Variants in GRAP2 observed in about 807,000 individuals in gnomAD.
GRAP2 encodes GRB2 related adaptor protein 2.
A neutral mutation model predicts 43.5 loss-of-function variants in GRAP2; 31 were observed. That is an observed-to-expected ratio of 0.71 (90% CI 0.54 to 0.96). The LOEUF is 0.96. Among genes scored for constraint, GRAP2 ranks in the 40% least tolerant of loss-of-function variants. The probability of loss-of-function intolerance (pLI) is 0.00; values close to 1 mark genes in which losing one functional copy is unlikely to be tolerated. For missense variants in GRAP2, 371 were observed against 424.4 expected (o/e 0.87, Z 1.11); for synonymous variants, 156 against 164.8 (o/e 0.95, Z 0.41).
At chr22:39,959,408 G>A (rs968205618) in intron 3 of GRAP2, among the ~76,000 whole-genome samples, 31 of 152,188 alleles carry the variant, frequency 2.0e-4, no homozygotes, top group African/African-American at 7.2e-4. Context: ...TATAGACGCC[G>A]CTCTCTGGCG....
At chr22:39,945,338 C>G (rs916682449) in intron 1 of GRAP2, among the ~76,000 whole-genome samples, 8 of 152,166 alleles carry the variant, frequency 5.3e-5, no homozygotes, top group Non-Finnish European at 1.0e-4. Flanking sequence ...AAATTACCTT[C>G]GAAAGATTGA....
In GRAP2 at chr22:39,901,126, GA is replaced by G; in HGVS notation, c.-218del. The G allele has an allele frequency of 2.4e-6, 1 of 419,016 alleles. No individual in the cohort carries two copies. The highest frequency in any genetic ancestry group is 4.7e-6 in the Non-Finnish European group (1 of 210,720). 26.0% of individuals were successfully genotyped at this position (419,016 alleles called of 1,614,324 possible). Reference sequence around the variant, plus strand: ...AGGGTTAGTTTGGAGGAGGGAGTAAGAGGTGGGGAGGAGGAGGCACAGTTAA... The same window carrying G: ...AGGGTTAGTTTGGAGGAGGGAGTAAGGGTGGGGAGGAGGAGGCACAGTTAA... On this transcript the variant is annotated 5_prime_UTR_variant, in exon 1 of 8. Coordinates refer to ENST00000344138, the MANE Select transcript of GRAP2 (RefSeq NM_004810.4).
intron 4 of GRAP2, 99 bp downstream of exon 4, chr22:39,960,273 C>G (rs1187753744): frequency 1.7e-6 from 2 of 1,198,164 alleles, no homozygotes; most frequent in African/African-American, 1.5e-5. Flanking sequence ...ACCCAATGGT[C>G]AGAAGCATGG....
intron 1 of GRAP2, among the ~76,000 whole-genome samples, chr22:39,944,863 C>T (rs578244926): frequency 9.8e-5 from 15 of 152,312 alleles, no homozygotes; most frequent in South Asian, 2.1e-4. Flanking sequence ...ATTTGCCCTT[C>T]CCTTGTCTCC....
At chr22:39,897,465 A>G (rs2066470258), upstream of GRAP2, among the ~76,000 whole-genome samples, 2 of 149,994 alleles carry the variant, frequency 1.3e-5, no homozygotes, top group South Asian at 4.2e-4. Flanking sequence ...CACTCACATC[A>G]TCCTGTTTTA....
intron 1 of GRAP2, among the ~76,000 whole-genome samples, chr22:39,914,664 T>C (rs2066590286): frequency 6.6e-6 from 1 of 152,192 alleles, no homozygotes; most frequent in Admixed American, 6.5e-5. Flanking sequence ...ATCAGTGAGA[T>C]TTATTCCAAC....
chr22:39,920,925 A>G (rs1475737275), intron 1 of GRAP2, among the ~76,000 whole-genome samples: 1 of 147,586 alleles, frequency 6.8e-6, no homozygotes, highest in Non-Finnish European at 1.5e-5. Flanking sequence ...AAAAATGGGT[A>G]TTTAACTTCT....
chr22:39,915,816 A>G lies in GRAP2; in HGVS notation c.-15+14486A>G, dbSNP rs567838171. On this transcript the variant is annotated intron_variant, in intron 1 of 7. Coordinates refer to ENST00000344138, the MANE Select transcript of GRAP2 (RefSeq NM_004810.4). ...TTTAAAAAGCAGCTGGATGATATGTAAAAATTCAAGGCTCAGTAGCATCAT... is the reference window on the plus strand; with the variant it reads ...TTTAAAAAGCAGCTGGATGATATGTGAAAATTCAAGGCTCAGTAGCATCAT... 1.6e-3 allele frequency among the ~76,000 whole-genome samples: 246 copies of G among 152,340 alleles called. 4 individuals carry two copies. The Middle Eastern group carries it at 0.027, about 17-fold the overall frequency.
At chr22:39,896,126 T>G (rs2066465632), upstream of GRAP2, among the ~76,000 whole-genome samples, 1 of 152,240 alleles carries the variant, frequency 6.6e-6, no homozygotes, top group Non-Finnish European at 1.5e-5. Context: ...TTCATTCATT[T>G]TCTCCTTTTA....
At chr22:39,927,588 C>T (rs911194854) in intron 1 of GRAP2, among the ~76,000 whole-genome samples, 19 of 152,154 alleles carry the variant, frequency 1.2e-4, no homozygotes, top group Non-Finnish European at 2.2e-4. Context: ...CTAATCGCAT[C>T]GGGAGAGGTA....
intron 1 of GRAP2, among the ~76,000 whole-genome samples, chr22:39,932,635 T>C (rs1237385582): frequency 6.6e-6 from 1 of 151,090 alleles, no homozygotes; most frequent in East Asian, 1.9e-4. Context: ...GGAGAATCAC[T>C]TGAACCTGGG....
intron 1 of GRAP2, among the ~76,000 whole-genome samples, chr22:39,921,950 G>A (rs960383182): frequency 2.6e-5 from 4 of 152,112 alleles, no homozygotes; most frequent in African/African-American, 7.2e-5. Context: ...TTATTCTTAA[G>A]AGCAAAGTTG....
At chr22:39,933,415 T>A (rs564102007) in intron 1 of GRAP2, among the ~76,000 whole-genome samples, 85 of 152,320 alleles carry the variant, frequency 5.6e-4, no homozygotes, top group African/African-American at 2.0e-3. Context: ...TTTCTAAAGT[T>A]AATTTTGACA....
chr22:39,952,887 G>T (rs2067002139), intron 2 of GRAP2, among the ~76,000 whole-genome samples: 1 of 152,136 alleles, frequency 6.6e-6, no homozygotes, highest in Non-Finnish European at 1.5e-5. Flanking sequence ...CCTCACATCA[G>T]CTCTGTGAGG....
chr22:39,969,855 A>G (rs572803564), intron 7 of GRAP2, among the ~76,000 whole-genome samples: 1 of 152,292 alleles, frequency 6.6e-6, no homozygotes, highest in East Asian at 1.9e-4. Context: ...CAGAGGTTGC[A>G]GTGAGCCGAG....
chr22:39,972,359 G>C lies in GRAP2; in HGVS notation c.*1275G>C, dbSNP rs1430613472. 1 of 152,352 alleles carries C rather than the reference G, an allele frequency of 6.6e-6. No individual in the cohort carries two copies. Among genetic ancestry groups the C allele is most frequent in the Non-Finnish European group, 1.5e-5 (1 of 68,100 alleles). The allele number at this position is 152,352 out of a possible 1,614,324, so 9.4% of individuals were successfully genotyped here. ...ACTCGGAGTTTGTGGGTATGGGTGT[G>C]TACCCCTGCAGGTGTGCACATGTGT... On this transcript the variant is annotated 3_prime_UTR_variant, in exon 8 of 8. Transcript: ENST00000344138.
intron 2 of GRAP2, among the ~76,000 whole-genome samples, chr22:39,953,270 T>G (rs2067008469): frequency 6.6e-6 from 1 of 152,074 alleles, no homozygotes; most frequent in African/African-American, 2.4e-5. Flanking sequence ...CAACTCACAG[T>G]CACCCGCATG....
intron 3 of GRAP2, among the ~76,000 whole-genome samples, chr22:39,957,944 A>T (rs2067075555): frequency 6.6e-6 from 1 of 152,124 alleles, no homozygotes; most frequent in Admixed American, 6.6e-5. Context: ...TCAAAGAAAA[A>T]AAAAATTTAA....
chr22:39,964,626 C>A, intron 4 of GRAP2: 1 of 666,118 alleles, frequency 1.5e-6, no homozygotes, highest in East Asian at 2.6e-5. Flanking sequence ...ATTTAAACCT[C>A]TCTATTCCCT....
Sources: gnomAD v4.1 joint callset for allele counts (sites outside exome capture counted in the v4.1 genomes callset) on GRCh38, gnomAD v4.1.1 for gene constraint, MANE v1.5 for transcripts, NCBI Gene and HGNC (gene_info 2026-07-23, HGNC 2026-07-21) for gene names.